NPR3: variants seen among roughly 807,000 people sequenced by gnomAD.
The protein encoded by NPR3 is atrial natriuretic peptide receptor 3.
Under a neutral mutation model 54.5 loss-of-function variants are expected in NPR3, and 34 were observed. That is an observed-to-expected ratio of 0.62 (90% CI 0.47 to 0.83). The LOEUF (loss-of-function observed/expected upper bound fraction) is 0.83, where lower values mean the gene tolerates loss of function less well. Among genes scored for constraint, NPR3 ranks in the 40% least tolerant of loss-of-function variants. NPR3 has a pLI of 0.00. For missense variants in NPR3, 674 were observed against 720.8 expected, an observed-to-expected ratio of 0.94 and a Z score of 0.74; for synonymous variants, 289 against 297.1, an observed-to-expected ratio of 0.97 and a Z score of 0.28.
At chr5:32,744,454 A>C (rs1740196458) in intron 3 of NPR3, among the ~76,000 whole-genome samples, 1 of 152,198 alleles carries the variant, frequency 6.6e-6, no homozygotes, top group East Asian at 1.9e-4. Context: ...ATTAAATGGG[A>C]ATAACAATTT....
At chr5:32,744,583 C>T (rs1050559198) in intron 3 of NPR3, among the ~76,000 whole-genome samples, 7 of 152,134 alleles carry the variant, frequency 4.6e-5, no homozygotes, top group African/African-American at 1.7e-4. Context: ...GAATACTTAC[C>T]GTGATGAATA....
At position 32,718,577 on chromosome 5, in the gene NPR3, T is replaced by C. The variant is rs557284268; in HGVS notation, c.769+6032T>C. Among the ~76,000 whole-genome samples, 4 of 152,332 alleles carry C rather than the reference T, an allele frequency of 2.6e-5. No individual in the cohort carries two copies. In the East Asian group the frequency reaches 7.7e-4, roughly 29 times the overall value. On this transcript the variant is annotated intron_variant, in intron 1 of 7. Coordinates refer to ENST00000265074, the MANE Select transcript of NPR3 (RefSeq NM_001204375.2). ...GAGGTCCTTCACATCCCTTGTAAGTTGGATTCCTAGGTATTTTATTCTCTT... is the reference window on the plus strand; with the variant it reads ...GAGGTCCTTCACATCCCTTGTAAGTCGGATTCCTAGGTATTTTATTCTCTT...
rs1394204160 is a variant in NPR3, at chr5:32,729,030, GTT to G, written c.892+4213_892+4214del. 3.7e-4 allele frequency among the ~76,000 whole-genome samples: 22 copies of G among 59,976 alleles called. 1 individual carries two copies. The highest frequency in any genetic ancestry group is 0.01 in the Middle Eastern group (1 of 96). 39.3% of individuals were successfully genotyped at this position (59,976 alleles called of 152,430 possible). A position where few individuals can be genotyped will look rare whatever the true frequency, so the allele number is the denominator to read the frequency against. On this transcript the variant is annotated intron_variant, in intron 2 of 7. Coordinates refer to ENST00000265074, the MANE Select transcript of NPR3 (RefSeq NM_001204375.2). ...TGCCTGTGTGTTTTTTTTTTTTTTT[GTT>G]TTGTTTTTTTTTTTTGAGACGGAGT...
chr5:32,714,291 C>T (rs961615973), intron 1 of NPR3, among the ~76,000 whole-genome samples: 1 of 152,214 alleles, frequency 6.6e-6, no homozygotes, highest in African/African-American at 2.4e-5. Context: ...GGATACAAAA[C>T]CAAGGGCATG....
chr5:32,763,095 TC>T (rs1741263823), intron 3 of NPR3, among the ~76,000 whole-genome samples: 1 of 152,226 alleles, frequency 6.6e-6, no homozygotes, highest in East Asian at 1.9e-4. Context: ...GGGAATCCTT[TC>T]CCCATTGCTT....
At chr5:32,737,997 G>T (rs1352164154) in intron 2 of NPR3, among the ~76,000 whole-genome samples, 1 of 151,936 alleles carries the variant, frequency 6.6e-6, no homozygotes, top group Middle Eastern at 3.2e-3. Flanking sequence ...ATGCACTAAT[G>T]GACATTGTCT....
At chr5:32,739,904 A>G (rs1344589528) in intron 3 of NPR3, among the ~76,000 whole-genome samples, 1 of 151,972 alleles carries the variant, frequency 6.6e-6, no homozygotes, top group African/African-American at 2.4e-5. Flanking sequence ...TTTTTGAGTC[A>G]ACATTTTGCT....
Position 32,784,841 on chromosome 5 carries a change from C to T in NPR3, c.1472C>T (p.Ala491Val). ...GCAGTGACAGGAATTGTCGTGGGGG[C>T]TTTACTAGGAGCTGGCTTGCTAATG... ...ESAVTGIVVGALLGAGLLMAF... is the reference protein window; with the variant it reads ...ESAVTGIVVGVLLGAGLLMAF... Residue 491 changes from alanine to valine, a missense_variant, in exon 7 of 8, where the codon GCT (alanine) becomes GTT (valine). By Grantham distance (64) the Ala-to-Val change is moderately conservative. Coordinates refer to ENST00000265074, the MANE Select transcript of NPR3 (RefSeq NM_001204375.2). 6.2e-7 allele frequency: 1 copy of T among 1,613,772 alleles called. No homozygotes were observed. The highest frequency in any genetic ancestry group is 8.5e-7 in the Non-Finnish European group (1 of 1,179,776).
In NPR3 at chr5:32,712,141, C is replaced by T; in HGVS notation, c.365C>T (p.Ala122Val). Residue 122 changes from alanine (A) to valine (V), a missense_variant, in exon 1 of 8, where the codon GCG (alanine) becomes GTG (valine). By Grantham distance (64) the Ala-to-Val change is moderately conservative. Coordinates refer to ENST00000265074, the MANE Select transcript of NPR3 (RefSeq NM_001204375.2). ...ALFSLVDRVA[A>V]ARGAKPDLIL... ...TTCAGCTTGGTGGACCGCGTGGCGG[C>T]GGCGCGGGGCGCCAAGCCAGACCTT... is the stretch of plus-strand genomic sequence containing the variant. 2 of 1,613,412 alleles carry T rather than the reference C, an allele frequency of 1.2e-6. No individual in the cohort carries two copies. The highest frequency in any genetic ancestry group is 1.7e-6 in the Non-Finnish European group (2 of 1,179,774).
chr5:32,710,910 G>C, upstream of NPR3: 1 of 875,864 alleles, frequency 1.1e-6, no homozygotes, highest in East Asian at 3.4e-5. Flanking sequence ...GTGTGTGTGT[G>C]TGTGTGTATG....
intron 1 of NPR3, among the ~76,000 whole-genome samples, chr5:32,721,892 G>C (rs978470802): frequency 2.0e-5 from 3 of 152,142 alleles, no homozygotes; most frequent in African/African-American, 7.2e-5. Flanking sequence ...ACTATGAAAG[G>C]CATCACATGG....
chr5:32,698,701 A>T (rs1169674108), intron 1 of NPR3, among the ~76,000 whole-genome samples: 1 of 152,110 alleles, frequency 6.6e-6, no homozygotes, highest in Non-Finnish European at 1.5e-5. Flanking sequence ...CCTCTTGCTG[A>T]CTTGACCCCT....
rs1742888687 is a variant in NPR3, at chr5:32,791,159, T to C, written c.*4814T>C. 1 of 167,122 alleles carries C rather than the reference T, an allele frequency of 6.0e-6. No homozygotes were observed. Among genetic ancestry groups the C allele is most frequent in the Non-Finnish European group, 1.5e-5 (1 of 68,116 alleles). The allele number at this position is 167,122 out of a possible 1,614,324, so 10.4% of individuals were successfully genotyped here. A position where few individuals can be genotyped will look rare whatever the true frequency, so the allele number is the denominator to read the frequency against. ...CAAGATCTGAAAATCTTCAACATCTTATAAGACAACAATGAAGTAGCCCCT... is the reference window on the plus strand; with the variant it reads ...CAAGATCTGAAAATCTTCAACATCTCATAAGACAACAATGAAGTAGCCCCT... On this transcript the variant is annotated 3_prime_UTR_variant, in exon 8 of 8. Coordinates refer to ENST00000265074, the MANE Select transcript of NPR3 (RefSeq NM_001204375.2).
At chr5:32,760,286 G>T (rs1260872947) in intron 3 of NPR3, among the ~76,000 whole-genome samples, 1 of 152,168 alleles carries the variant, frequency 6.6e-6, no homozygotes, top group African/African-American at 2.4e-5. Flanking sequence ...ATAAGAAGCT[G>T]TCAAAGTAGT....
In NPR3 at chr5:32,745,242, C is replaced by T. The variant is rs114971213; in HGVS notation, c.1059+6212C>T. On this transcript the variant is annotated intron_variant, in intron 3 of 7. Coordinates refer to ENST00000265074, the MANE Select transcript of NPR3 (RefSeq NM_001204375.2). ...TCACAGTGGGGGTTCTGAGGACCAT[C>T]TGGAGGTCCCCTGAAATCTAAAGTG... Among the ~76,000 whole-genome samples, 731 of 152,270 alleles carry T rather than the reference C, an allele frequency of 4.8e-3. 5 individuals are homozygous for T. Among genetic ancestry groups the T allele is most frequent in the African/African-American group, 0.017 (698 of 41,556 alleles).
At chr5:32,706,083 C>A (rs1579575599), upstream of NPR3, among the ~76,000 whole-genome samples, 1 of 152,032 alleles carries the variant, frequency 6.6e-6, no homozygotes, top group African/African-American at 2.4e-5. Context: ...TGACTTGGTG[C>A]TGTCCTTGGC....
In NPR3 at chr5:32,788,447, C is replaced by G. The variant is rs1056556532; in HGVS notation, c.*2102C>G. On this transcript the variant is annotated 3_prime_UTR_variant, in exon 8 of 8. Coordinates refer to ENST00000265074, the MANE Select transcript of NPR3 (RefSeq NM_001204375.2). ...TACTTGAATTGGAGAGCTTGTTTCT[C>G]TCTCATTTTTATTTTTCAATGATGT... 1.3e-5 allele frequency: 2 copies of G among 152,100 alleles called. No individual in the cohort carries two copies. Among genetic ancestry groups the G allele is most frequent in the Admixed American group, 1.3e-4 (2 of 15,266 alleles). 9.4% of individuals were successfully genotyped at this position (152,100 alleles called of 1,614,324 possible). A position where few individuals can be genotyped will look rare whatever the true frequency, so the allele number is the denominator to read the frequency against.
At chr5:32,718,678 T>C (rs1738683628) in intron 1 of NPR3, among the ~76,000 whole-genome samples, 1 of 152,200 alleles carries the variant, frequency 6.6e-6, no homozygotes, top group Non-Finnish European at 1.5e-5. Flanking sequence ...GGAATGCTTG[T>C]GATTTTTGCA....
chr5:32,766,386 A>T (rs1741475726), intron 3 of NPR3, among the ~76,000 whole-genome samples: 2 of 152,146 alleles, frequency 1.3e-5, no homozygotes, highest in Non-Finnish European at 2.9e-5. Context: ...CAACCTCAAT[A>T]GTGGTGGAGG....
Sources: allele counts gnomAD v4.1 joint callset (sites outside exome capture counted in the v4.1 genomes callset), GRCh38; gene constraint gnomAD v4.1.1; transcripts MANE v1.5; gene names NCBI Gene and HGNC (gene_info 2026-07-23, HGNC 2026-07-21).